NFILZ: variants seen among roughly 807,000 people sequenced by gnomAD.
NFILZ encodes NFIL3 like basic leucine zipper.
At chr19:8,631,615 T>C (rs1322808451) in intron 1 of NFILZ, among the ~76,000 whole-genome samples, 19 of 152,144 alleles carry the variant, frequency 1.2e-4, no homozygotes, top group Admixed American at 5.2e-4. Context: ...AGGCCGCAGA[T>C]TGGCCCTGTT....
At chr19:8,659,717 A>G (rs781815449) in intron 3 of NFILZ, among the ~76,000 whole-genome samples, 2 of 152,206 alleles carry the variant, frequency 1.3e-5, no homozygotes, top group African/African-American at 2.4e-5. Context: ...GATGATGCCA[A>G]CGGGTATTTT....
At position 8,678,898 on chromosome 19, in the gene NFILZ, C is replaced by T. The variant is rs574953744; in HGVS notation, c.*1263C>T. On this transcript the variant is annotated 3_prime_UTR_variant, in exon 6 of 6. Coordinates refer to ENST00000691075, the MANE Select transcript of NFILZ (RefSeq NM_001378600.1). ...AAGACACTTTTCTGGTCTTGGGTTT[C>T]CTGTCCTGGGGTAGGAATGGGTGTT... Among the ~76,000 whole-genome samples, 13 of 152,248 alleles carry T rather than the reference C, an allele frequency of 8.5e-5. No individual in the cohort carries two copies. Among genetic ancestry groups the T allele is most frequent in the Admixed American group, 6.5e-4 (10 of 15,298 alleles).
intron 3 of NFILZ, among the ~76,000 whole-genome samples, chr19:8,662,192 A>G (rs1466025605): frequency 1.3e-5 from 2 of 150,336 alleles, no homozygotes; most frequent in African/African-American, 2.5e-5. Context: ...GTGACAGAGC[A>G]AGACTCTGTC....
chr19:8,645,882 T>C (rs1448731151), intron 3 of NFILZ, among the ~76,000 whole-genome samples: 1 of 152,170 alleles, frequency 6.6e-6, no homozygotes, highest in African/African-American at 2.4e-5. Context: ...TGTGGGTCCA[T>C]ATTTACTGTG....
At chr19:8,670,642 G>A (rs1397351671) in intron 3 of NFILZ, among the ~76,000 whole-genome samples, 1 of 152,160 alleles carries the variant, frequency 6.6e-6, no homozygotes, top group Non-Finnish European at 1.5e-5. Context: ...TTCTTGCTGG[G>A]TTGGGTGACT....
chr19:8,649,756 T>G (rs1338147435), intron 3 of NFILZ, among the ~76,000 whole-genome samples: 1 of 152,042 alleles, frequency 6.6e-6, no homozygotes, highest in Non-Finnish European at 1.5e-5. Context: ...CAGAAGGCAG[T>G]CTGCTTTTAT....
intron 3 of NFILZ, among the ~76,000 whole-genome samples, chr19:8,663,610 G>A (rs1453085027): frequency 6.6e-6 from 1 of 152,014 alleles, no homozygotes; most frequent in Non-Finnish European, 1.5e-5. Context: ...TGATGCTCGC[G>A]GGCGTTGGGA....
intron 3 of NFILZ, among the ~76,000 whole-genome samples, chr19:8,662,286 TGTAA>T (rs1555749217): frequency 2.7e-5 from 4 of 150,106 alleles, no homozygotes; most frequent in Non-Finnish European, 4.4e-5. Context: ...AAAGTGAGTG[TGTAA>T]GTGTGTAAGT....
intron 3 of NFILZ, among the ~76,000 whole-genome samples, chr19:8,639,974 T>C (rs1263259163): frequency 6.6e-6 from 1 of 152,186 alleles, no homozygotes; most frequent in Non-Finnish European, 1.5e-5. Flanking sequence ...GGCTCTTTTG[T>C]ATAACAGATG....
rs1378066733 is a variant in NFILZ, at chr19:8,677,593, C to T, written c.828C>T (p.Gly276=). 1 of 152,446 alleles carries T rather than the reference C, an allele frequency of 6.6e-6. No individual in the cohort carries two copies. Among genetic ancestry groups the T allele is most frequent in the Non-Finnish European group, 1.5e-5 (1 of 68,230 alleles). The allele number at this position is 152,446 out of a possible 1,614,324, so 9.4% of individuals were successfully genotyped here. A position where few individuals can be genotyped will look rare whatever the true frequency, so the allele number is the denominator to read the frequency against. The change falls in exon 6 of 6, where the codon GGC becomes GGT. Residue 276 remains glycine (G), a synonymous_variant. Transcript: ENST00000691075. ...HKLRIKSRAS[G]RVPRGWEGGQ... ...TGCGCATCAAGTCCCGAGCCTCAGG[C>T]AGGGTACCTCGTGGCTGGGAGGGTG... is the stretch of plus-strand genomic sequence containing the variant.
chr19:8,646,665 CCTCT>C (rs1555747093), intron 3 of NFILZ, among the ~76,000 whole-genome samples: 2 of 152,142 alleles, frequency 1.3e-5, no homozygotes. Context: ...AATGCAGTTC[CCTCT>C]ATCACTTCCC....
intron 3 of NFILZ, among the ~76,000 whole-genome samples, chr19:8,647,996 C>A (rs879980397): frequency 5.9e-5 from 9 of 151,382 alleles, no homozygotes; most frequent in Non-Finnish European, 1.3e-4. Context: ...CACGGTGAAA[C>A]CCCGTCTCTA....
At chr19:8,645,300 AT>A (rs35280185) in intron 3 of NFILZ, among the ~76,000 whole-genome samples, 8,689 of 117,996 alleles carry the variant, frequency 0.074, 331 homozygotes, top group Middle Eastern at 0.18. Flanking sequence ...CACCTGGGTG[AT>A]TTTTTTTTTT....
chr19:8,676,564 G>A (rs1225657040), intron 5 of NFILZ, among the ~76,000 whole-genome samples, 108 bp downstream of exon 5: 1 of 152,174 alleles, frequency 6.6e-6, no homozygotes, highest in South Asian at 2.1e-4. Flanking sequence ...GCAGTTTCTT[G>A]TTTTGTGGCC....
intron 3 of NFILZ, among the ~76,000 whole-genome samples, chr19:8,646,362 C>T (rs1443378893): frequency 2.0e-5 from 3 of 152,076 alleles, no homozygotes; most frequent in African/African-American, 4.8e-5. Flanking sequence ...TATTAATCTC[C>T]ATTGCACAGA....
chr19:8,647,956 A>G (rs2042948955), intron 3 of NFILZ, among the ~76,000 whole-genome samples: 1 of 151,654 alleles, frequency 6.6e-6, no homozygotes, highest in Non-Finnish European at 1.5e-5. Flanking sequence ...GTGGATCACG[A>G]GATCAGGAGA....
chr19:8,669,410 A>G (rs2043077128), intron 3 of NFILZ, among the ~76,000 whole-genome samples: 1 of 152,202 alleles, frequency 6.6e-6, no homozygotes, highest in Non-Finnish European at 1.5e-5. Context: ...AAGCTCATAG[A>G]GGTGACCTGA....
intron 3 of NFILZ, among the ~76,000 whole-genome samples, chr19:8,654,758 G>A (rs2042984896): frequency 6.6e-6 from 1 of 152,174 alleles, no homozygotes; most frequent in Non-Finnish European, 1.5e-5. Flanking sequence ...CCAAGCCTAG[G>A]CCGGCTCAGC....
chr19:8,661,631 C>T lies in NFILZ; in HGVS notation c.-163-12920C>T, dbSNP rs142176373. Among the ~76,000 whole-genome samples, 1,313 of 152,292 alleles carry T rather than the reference C, an allele frequency of 8.6e-3. 20 individuals carry two copies. The highest frequency in any genetic ancestry group is 0.03 in the African/African-American group (1,260 of 41,536). The stretch of plus-strand genomic sequence containing the variant: ...AGAAACCAGGGCACAGTGGCTCATG[C>T]CTGTAATCCCAACACTTTGGGAGTC... On this transcript the variant is annotated intron_variant, in intron 3 of 5. Transcript: ENST00000691075.
Sources: gnomAD v4.1 joint callset for allele counts (sites outside exome capture counted in the v4.1 genomes callset) on GRCh38, gnomAD v4.1.1 for gene constraint, MANE v1.5 for transcripts, NCBI Gene and HGNC (gene_info 2026-07-23, HGNC 2026-07-21) for gene names.